RMDN2: variants seen among roughly 807,000 people sequenced by gnomAD.
RMDN2 encodes regulator of microtubule dynamics protein 2.
RMDN2 carries 61 observed loss-of-function variants against 52.8 expected under a neutral mutation model. The ratio of observed to expected loss-of-function variants is 1.16; its 90% CI spans 0.94 to 1.43. The LOEUF (loss-of-function observed/expected upper bound fraction) is 1.43. RMDN2 is among the 40% of genes most tolerant of loss of function. RMDN2 has a pLI of 0.00. For synonymous variants in RMDN2, 180 were observed against 153.1 expected, an observed-to-expected ratio of 1.18 and a Z score of -1.30; for missense variants, 592 against 475.3, an observed-to-expected ratio of 1.25 and a Z score of -2.28.
At chr2:37,977,462 G>A (rs1009564561) in intron 4 of RMDN2, among the ~76,000 whole-genome samples, 1 of 151,198 alleles carries the variant, frequency 6.6e-6, no homozygotes, top group Non-Finnish European at 1.5e-5. Flanking sequence ...CTGGCTGGGC[G>A]GGGGCTGCCC....
intron 1 of RMDN2, among the ~76,000 whole-genome samples, chr2:37,927,967 A>T (rs76529796): frequency 0.029 from 4,427 of 152,232 alleles, 189 homozygotes; most frequent in African/African-American, 0.097. Context: ...GTGAAAAAAA[A>T]TTTTTTTAAG....
chr2:38,005,187 G>T (rs937910662), intron 10 of RMDN2, among the ~76,000 whole-genome samples: 1 of 152,244 alleles, frequency 6.6e-6, no homozygotes, highest in Non-Finnish European at 1.5e-5. Context: ...AAAGCAGCAT[G>T]ATTTATAATC....
intron 10 of RMDN2, among the ~76,000 whole-genome samples, chr2:38,035,298 C>T (rs1039368441): frequency 5.3e-5 from 8 of 151,960 alleles, no homozygotes; most frequent in African/African-American, 1.9e-4. Context: ...TTGAAGGAAC[C>T]CCAAAAGTTT....
chr2:37,936,815 T>C (rs1237632282), intron 2 of RMDN2, among the ~76,000 whole-genome samples: 1 of 152,234 alleles, frequency 6.6e-6, no homozygotes, highest in Non-Finnish European at 1.5e-5. Context: ...ACGAATAGAT[T>C]GCAAAAATTT....
upstream of RMDN2, among the ~76,000 whole-genome samples, chr2:37,920,925 C>T (rs1023380303): frequency 2.0e-5 from 3 of 152,140 alleles, no homozygotes; most frequent in African/African-American, 4.8e-5. Context: ...GAATCATCAC[C>T]GAAATACTGC....
At chr2:37,963,751 A>G (rs1276990561) in intron 2 of RMDN2, among the ~76,000 whole-genome samples, 1 of 152,142 alleles carries the variant, frequency 6.6e-6, no homozygotes, top group Non-Finnish European at 1.5e-5. Flanking sequence ...TGATTTCTCT[A>G]TCTTTTCCCC....
chr2:38,042,764 G>T (rs188116114), intron 10 of RMDN2, among the ~76,000 whole-genome samples: 195 of 151,772 alleles, frequency 1.3e-3, no homozygotes, highest in African/African-American at 4.4e-3. Flanking sequence ...CAATTACTTT[G>T]TTATTTATAC....
At position 38,031,066 on chromosome 2, in the gene RMDN2, G is replaced by A. The variant is rs921320611; in HGVS notation, c.1713+26850G>A. Among the ~76,000 whole-genome samples the A allele has an allele frequency of 2.6e-5, 4 of 152,214 alleles. No individual in the cohort carries two copies. In the East Asian group the frequency reaches 7.7e-4, roughly 29 times the overall value. Reference sequence around the variant, plus strand: ...AACATTTAAGTGTCTCCCATAGGGAGGGAAAATGGTTCATTGGAAAGGAAA... The same window carrying A: ...AACATTTAAGTGTCTCCCATAGGGAAGGAAAATGGTTCATTGGAAAGGAAA... On this transcript the variant is annotated intron_variant, in intron 10 of 10. Transcript: ENST00000234195.
intron 10 of RMDN2, among the ~76,000 whole-genome samples, chr2:38,009,626 G>C (rs1677651808): frequency 6.6e-6 from 1 of 152,030 alleles, no homozygotes; most frequent in African/African-American, 2.4e-5. Context: ...TTTTTTTCAA[G>C]GTTTTTAACT....
chr2:37,956,333 G>T (rs1669455266), intron 2 of RMDN2, among the ~76,000 whole-genome samples: 1 of 151,952 alleles, frequency 6.6e-6, no homozygotes, highest in African/African-American at 2.4e-5. Flanking sequence ...CAATTCGCTG[G>T]CATACAATTC....
intron 2 of RMDN2, among the ~76,000 whole-genome samples, chr2:37,938,158 GT>G (rs1208630607): frequency 4.6e-5 from 7 of 152,150 alleles, no homozygotes; most frequent in Non-Finnish European, 5.9e-5. Context: ...ATAATCGTGT[GT>G]TTTTTGTTGT....
intron 1 of RMDN2, among the ~76,000 whole-genome samples, chr2:37,926,368 A>G (rs1558428478): frequency 2.0e-5 from 3 of 152,170 alleles, no homozygotes; most frequent in Admixed American, 1.3e-4. Flanking sequence ...TTCATATTCT[A>G]TTTTCTTTAG....
intron 10 of RMDN2, among the ~76,000 whole-genome samples, chr2:38,014,633 T>C (rs1386110493): frequency 6.6e-6 from 1 of 152,236 alleles, no homozygotes; most frequent in South Asian, 2.1e-4. Flanking sequence ...TTATCCAGTC[T>C]TTAGCAGAGA....
chr2:38,001,772 A>G (rs78270464), intron 8 of RMDN2, among the ~76,000 whole-genome samples: 3 of 152,316 alleles, frequency 2.0e-5, no homozygotes, highest in East Asian at 3.9e-4. Flanking sequence ...TTACCAAACT[A>G]GAAGACTTGA....
chr2:38,013,969 G>T (rs951953726), intron 10 of RMDN2, among the ~76,000 whole-genome samples: 1 of 152,124 alleles, frequency 6.6e-6, no homozygotes, highest in African/African-American at 2.4e-5. Context: ...CACTTTGGGC[G>T]GCCGAGGCGG....
rs777954963 is a variant in RMDN2, at chr2:37,951,613, G to A, written c.452+21884G>A. On this transcript the variant is annotated intron_variant, in intron 2 of 10. Transcript: ENST00000354545. ...AGACGTTTCTCATCCCGTAAACTAA[G>A]TATAGTTTCCTATTACAAGAGTGCC... The A allele has an allele frequency of 1.9e-6, 3 of 1,613,360 alleles. No individual in the cohort carries two copies. The South Asian group carries it at 3.3e-5, about 18-fold the overall frequency.
chr2:38,015,998 A>G (rs1409925793), intron 10 of RMDN2, among the ~76,000 whole-genome samples: 1 of 152,240 alleles, frequency 6.6e-6, no homozygotes, highest in African/African-American at 2.4e-5. Context: ...ATAAGAGGGC[A>G]ATTGCATAAA....
At chr2:37,943,272 G>A (rs2124933543) in intron 2 of RMDN2, among the ~76,000 whole-genome samples, 1 of 152,272 alleles carries the variant, frequency 6.6e-6, no homozygotes, top group Non-Finnish European at 1.5e-5. Flanking sequence ...AGGTGGATAA[G>A]CCTGAAAAAG....
intron 10 of RMDN2, among the ~76,000 whole-genome samples, chr2:38,066,633 C>T (rs1682293532): frequency 6.6e-6 from 1 of 152,148 alleles, no homozygotes; most frequent in Admixed American, 6.6e-5. Flanking sequence ...AACAACCACG[C>T]CTGTCTTACT....
Sources: gnomAD v4.1 joint callset for allele counts (sites outside exome capture counted in the v4.1 genomes callset) on GRCh38, gnomAD v4.1.1 for gene constraint, MANE v1.5 for transcripts, NCBI Gene and HGNC (gene_info 2026-07-23, HGNC 2026-07-21) for gene names.